Variants in MGAT4C observed in about 807,000 individuals in gnomAD.
MGAT4C encodes the protein MGAT4 family member C.
Under a neutral mutation model 40.1 loss-of-function variants are expected in MGAT4C, and 19 were observed. The ratio of observed to expected loss-of-function variants is 0.47; its 90% confidence interval spans 0.33 to 0.70. The LOEUF is 0.70. Among genes scored for constraint, MGAT4C ranks in the 30% least tolerant of loss-of-function variants. MGAT4C has a pLI of 0.02. For missense variants in MGAT4C, 491 were observed against 563.2 expected (o/e 0.87, Z 1.30); for synonymous variants, 181 against 187.1 (o/e 0.97, Z 0.27).
chr12:86,547,463 T>C (rs926421481), intron 2 of MGAT4C, among the ~76,000 whole-genome samples: 2 of 152,150 alleles, frequency 1.3e-5, no homozygotes, highest in Non-Finnish European at 2.9e-5. Context: ...CAGGCATTTT[T>C]GACTGTTTAT....
chr12:86,564,771 T>C (rs1960016750), intron 2 of MGAT4C, among the ~76,000 whole-genome samples: 1 of 152,176 alleles, frequency 6.6e-6, no homozygotes, highest in Non-Finnish European at 1.5e-5. Flanking sequence ...TTGTGTGTGT[T>C]ATTCTGGCCC....
chr12:86,724,278 G>A (rs1394703037), intron 2 of MGAT4C, among the ~76,000 whole-genome samples: 1 of 152,114 alleles, frequency 6.6e-6, no homozygotes, highest in Non-Finnish European at 1.5e-5. Context: ...CCTATTTAAT[G>A]ATCTCCTCAG....
intron 2 of MGAT4C, among the ~76,000 whole-genome samples, chr12:86,502,144 T>C (rs549805867): frequency 2.6e-5 from 4 of 152,212 alleles, no homozygotes; most frequent in Non-Finnish European, 4.4e-5. Context: ...TGGAATGTTA[T>C]TGGGAAGGAA....
chr12:86,371,735 G>A (rs1465193271), intron 3 of MGAT4C, among the ~76,000 whole-genome samples: 1 of 151,952 alleles, frequency 6.6e-6, no homozygotes, highest in Non-Finnish European at 1.5e-5. Flanking sequence ...GTTGGGAAAT[G>A]CATTTTATTT....
At chr12:86,485,955 A>T (rs1958011927) in intron 2 of MGAT4C, among the ~76,000 whole-genome samples, 1 of 152,116 alleles carries the variant, frequency 6.6e-6, no homozygotes, top group Admixed American at 6.6e-5. Context: ...TTCCAACCAT[A>T]AATTTTATAT....
chr12:86,066,378 C>T (rs573798941), intron 1 of MGAT4C, among the ~76,000 whole-genome samples: 1 of 151,726 alleles, frequency 6.6e-6, no homozygotes, highest in African/African-American at 2.4e-5. Context: ...ACCAAAGGAA[C>T]AGAACAGAGG....
chr12:86,397,658 A>G (rs1415453736), intron 3 of MGAT4C, among the ~76,000 whole-genome samples: 1 of 152,100 alleles, frequency 6.6e-6, no homozygotes, highest in Non-Finnish European at 1.5e-5. Context: ...TTTGGTTTTT[A>G]TTAGAATTAT....
chr12:86,707,923 A>G (rs958172172), intron 2 of MGAT4C, among the ~76,000 whole-genome samples: 1 of 152,212 alleles, frequency 6.6e-6, no homozygotes, highest in Non-Finnish European at 1.5e-5. Context: ...AGAGCAGAAA[A>G]GTTCAGAAAA....
chr12:86,098,146 T>C (rs1387188421), intron 1 of MGAT4C, among the ~76,000 whole-genome samples: 1 of 151,716 alleles, frequency 6.6e-6, no homozygotes, highest in African/African-American at 2.4e-5. Flanking sequence ...TAATTTACAG[T>C]GTTTACTAAA....
chr12:86,715,820 A>G (rs1460433214), intron 2 of MGAT4C, among the ~76,000 whole-genome samples: 1 of 152,144 alleles, frequency 6.6e-6, no homozygotes, highest in Non-Finnish European at 1.5e-5. Context: ...AAAGTTTAGT[A>G]ATCATGTTAC....
chr12:86,294,217 A>T (rs1277731684), intron 4 of MGAT4C, among the ~76,000 whole-genome samples: 1 of 152,020 alleles, frequency 6.6e-6, no homozygotes, highest in Non-Finnish European at 1.5e-5. Flanking sequence ...TAGTGAAATC[A>T]CTACAGCAGT....
At chr12:86,472,951 T>A (rs536178725) in intron 2 of MGAT4C, among the ~76,000 whole-genome samples, 12 of 152,134 alleles carry the variant, frequency 7.9e-5, no homozygotes, top group African/African-American at 2.9e-4. Flanking sequence ...AGATATTTAT[T>A]TATTTACGTA....
At chr12:86,666,198 T>C (rs1048269554) in intron 2 of MGAT4C, among the ~76,000 whole-genome samples, 1 of 152,320 alleles carries the variant, frequency 6.6e-6, no homozygotes, top group South Asian at 2.1e-4. Flanking sequence ...ACCATTAGAT[T>C]CGTAGCTGGT....
intron 3 of MGAT4C, among the ~76,000 whole-genome samples, chr12:86,396,055 T>C (rs1306772894): frequency 3.9e-5 from 6 of 152,128 alleles, no homozygotes; most frequent in Non-Finnish European, 8.8e-5. Flanking sequence ...ACTATAGAAT[T>C]TTTTCTCCAG....
chr12:86,785,169 A>G (rs1951911336), intron 1 of MGAT4C, among the ~76,000 whole-genome samples: 1 of 152,074 alleles, frequency 6.6e-6, no homozygotes. Context: ...TTTATCATTC[A>G]AATATGAGAA....
intron 1 of MGAT4C, among the ~76,000 whole-genome samples, chr12:86,744,277 A>T (rs1261023160): frequency 6.6e-6 from 1 of 151,434 alleles, no homozygotes; most frequent in Non-Finnish European, 1.5e-5. Context: ...GATAGCTTCC[A>T]TTACCCAGAC....
intron 1 of MGAT4C, among the ~76,000 whole-genome samples, chr12:86,111,662 C>A (rs571529674): frequency 6.6e-6 from 1 of 151,852 alleles, no homozygotes; most frequent in Non-Finnish European, 1.5e-5. Context: ...ATAACCTAAG[C>A]CTTAATTTCA....
At chr12:86,366,899 G>A (rs2136207723) in intron 3 of MGAT4C, among the ~76,000 whole-genome samples, 1 of 152,124 alleles carries the variant, frequency 6.6e-6, no homozygotes, top group Non-Finnish European at 1.5e-5. Flanking sequence ...AATTAAAAAT[G>A]TATTTATAAA....
chr12:86,497,304 G>A (rs1331578040), intron 2 of MGAT4C, among the ~76,000 whole-genome samples: 1 of 151,946 alleles, frequency 6.6e-6, no homozygotes, highest in African/African-American at 2.4e-5. Flanking sequence ...ATACCTGTGA[G>A]CCATGTCATT....
Sources: gnomAD v4.1 joint callset for allele counts (sites outside exome capture counted in the v4.1 genomes callset) on GRCh38, gnomAD v4.1.1 for gene constraint, MANE v1.5 for transcripts, NCBI Gene and HGNC (gene_info 2026-07-23, HGNC 2026-07-21) for gene names.